The following ARHGAP21 variants were observed in gnomAD, a reference collection of about 807,000 sequenced individuals.
ARHGAP21 encodes the protein rho GTPase-activating protein 21.
In ARHGAP21, 38 loss-of-function variants were observed where a neutral mutation model predicts 164.6. The observed-to-expected ratio is 0.23, with a 90% confidence interval of 0.18 to 0.30. The LOEUF (loss-of-function observed/expected upper bound fraction) is 0.30, where lower values mean the gene tolerates loss of function less well. Among genes scored for constraint, ARHGAP21 ranks in the 10% least tolerant of loss-of-function variants. The pLI is 1.00. For missense variants in ARHGAP21, 1,822 were observed against 2,370.7 expected (o/e 0.77, Z 4.81); for synonymous variants, 766 against 857.9 (o/e 0.89, Z 1.87).
At chr10:24,709,220 A>G (rs1286383783) in intron 2 of ARHGAP21, among the ~76,000 whole-genome samples, 2 of 152,218 alleles carry the variant, frequency 1.3e-5, no homozygotes, top group Non-Finnish European at 2.9e-5. Context: ...AAGAAATAGA[A>G]AACCTGAACA....
intron 4 of ARHGAP21, among the ~76,000 whole-genome samples, chr10:24,664,564 A>AAT (rs1554995010): frequency 4.0e-5 from 6 of 149,106 alleles, no homozygotes; most frequent in Admixed American, 3.3e-4. Flanking sequence ...CAAAAAAAAA[A>AAT]AATAATAATA....
At chr10:24,603,213 G>A (rs946911681) in intron 12 of ARHGAP21, among the ~76,000 whole-genome samples, 6 of 152,114 alleles carry the variant, frequency 3.9e-5, no homozygotes, top group African/African-American at 1.4e-4. Context: ...GCCTGCAGAG[G>A]GGATGGAGAA....
chr10:24,608,341 A>G (rs1214232182), intron 9 of ARHGAP21, among the ~76,000 whole-genome samples: 3 of 152,162 alleles, frequency 2.0e-5, no homozygotes, highest in Non-Finnish European at 2.9e-5. Flanking sequence ...CTAAAACCGT[A>G]TCCCCGCCTC....
intron 2 of ARHGAP21, among the ~76,000 whole-genome samples, chr10:24,687,295 G>A (rs755405965): frequency 7.2e-5 from 11 of 152,174 alleles, no homozygotes; most frequent in Non-Finnish European, 1.5e-4. Flanking sequence ...TTCCTGACAA[G>A]ATGCCCAAGT....
In ARHGAP21 at chr10:24,584,266, T is replaced by C. The variant is rs1259155608; in HGVS notation, c.*146A>G. On this transcript the variant is annotated 3_prime_UTR_variant, in exon 26 of 26. Coordinates refer to ENST00000396432, the MANE Select transcript of ARHGAP21 (RefSeq NM_020824.4). ...TGTTCTTCTGGCTGTAGTAATGCACTGTAAAGCTATTTCACAGTGCAAAAT... is the reference window on the plus strand; with the variant it reads ...TGTTCTTCTGGCTGTAGTAATGCACCGTAAAGCTATTTCACAGTGCAAAAT... The C allele has an allele frequency of 7.6e-6, 6 of 793,948 alleles. No individual in the cohort carries two copies. The highest frequency in any genetic ancestry group is 1.2e-5 in the Non-Finnish European group (6 of 499,982). 49.2% of individuals were successfully genotyped at this position (793,948 alleles called of 1,614,324 possible).
At chr10:24,586,371 T>A (rs1488298754) in intron 25 of ARHGAP21, among the ~76,000 whole-genome samples, 18 of 152,350 alleles carry the variant, frequency 1.2e-4, no homozygotes, top group African/African-American at 4.3e-4. Context: ...GAAAATAGTC[T>A]GTGCTTAGTG....
At chr10:24,713,335 G>A (rs76866939) in intron 2 of ARHGAP21, among the ~76,000 whole-genome samples, 2,672 of 152,272 alleles carry the variant, frequency 0.018, 36 homozygotes, top group Middle Eastern at 0.034. Flanking sequence ...AACATAGTAA[G>A]TAACCAATTC....
intron 3 of ARHGAP21, among the ~76,000 whole-genome samples, chr10:24,668,698 G>T (rs1840420576): frequency 6.6e-6 from 1 of 151,432 alleles, no homozygotes; most frequent in African/African-American, 2.4e-5. Context: ...GCCAACATAA[G>T]ATCAGTTATC....
intron 4 of ARHGAP21, among the ~76,000 whole-genome samples, chr10:24,651,914 A>T (rs903762081): frequency 6.6e-6 from 1 of 152,216 alleles, no homozygotes; most frequent in Non-Finnish European, 1.5e-5. Flanking sequence ...CTAAGAAGAC[A>T]TTCTACCCAA....
At chr10:24,684,972 G>A (rs1447525202) in intron 2 of ARHGAP21, among the ~76,000 whole-genome samples, 3 of 152,094 alleles carry the variant, frequency 2.0e-5, no homozygotes, top group South Asian at 2.1e-4. Flanking sequence ...ACTGATATTC[G>A]GACTGCTATA....
Position 24,583,939 on chromosome 10 carries a change from T to C in ARHGAP21, c.*473A>G, listed in dbSNP as rs1477975798. On this transcript the variant is annotated 3_prime_UTR_variant, in exon 26 of 26. Transcript: ENST00000396432. Reference sequence around the variant, plus strand: ...TGGAATGACTAAAGAATGGAAGTTCTGTATCCACCTGTGTTAAAACTGGTA... The same window carrying C: ...TGGAATGACTAAAGAATGGAAGTTCCGTATCCACCTGTGTTAAAACTGGTA... 1 of 152,678 alleles carries C rather than the reference T, an allele frequency of 6.5e-6. No individual in the cohort carries two copies. Among genetic ancestry groups the C allele is most frequent in the East Asian group, 1.9e-4 (1 of 5,206 alleles). The allele number at this position is 152,678 out of a possible 1,614,324, so 9.5% of individuals were successfully genotyped here.
chr10:24,590,355 T>C (rs1564955690), intron 24 of ARHGAP21: 1 of 1,535,372 alleles, frequency 6.5e-7, no homozygotes, highest in Non-Finnish European at 8.7e-7. Flanking sequence ...ATCGGGGATT[T>C]CTGCAGACAA....
chr10:24,665,747 G>A (rs1337320780), intron 4 of ARHGAP21, among the ~76,000 whole-genome samples: 2 of 152,174 alleles, frequency 1.3e-5, no homozygotes, highest in East Asian at 3.9e-4. Context: ...TGCAAATGTG[G>A]TATTCTTGCT....
At chr10:24,671,619 C>T (rs1181095180) in intron 2 of ARHGAP21, among the ~76,000 whole-genome samples, 1 of 152,088 alleles carries the variant, frequency 6.6e-6, no homozygotes, top group Non-Finnish European at 1.5e-5. Flanking sequence ...GATACAGGTC[C>T]AACAATTCTC....
chr10:24,677,592 G>C (rs548125623), intron 2 of ARHGAP21, among the ~76,000 whole-genome samples: 67 of 152,274 alleles, frequency 4.4e-4, no homozygotes, highest in Middle Eastern at 6.8e-3. Context: ...GGATTTAGCG[G>C]AGCATAACAT....
chr10:24,633,277 T>G (rs1836018333), intron 6 of ARHGAP21, 125 bp downstream of exon 6: 1 of 676,808 alleles, frequency 1.5e-6, no homozygotes, highest in Non-Finnish European at 2.4e-6. Flanking sequence ...GCATTATATC[T>G]AAGGGAAAGT....
intron 2 of ARHGAP21, among the ~76,000 whole-genome samples, chr10:24,700,721 T>C (rs1172523429): frequency 6.6e-6 from 1 of 152,250 alleles, no homozygotes; most frequent in Non-Finnish European, 1.5e-5. Flanking sequence ...GCATTTGTCC[T>C]AATTTTTAAA....
intron 9 of ARHGAP21, among the ~76,000 whole-genome samples, chr10:24,614,341 T>C (rs766942788): frequency 6.6e-5 from 10 of 152,248 alleles, no homozygotes; most frequent in Admixed American, 4.6e-4. Context: ...GGTGGAATTA[T>C]CTATTTAATT....
chr10:24,604,137 G>A (rs1190895205), intron 12 of ARHGAP21, among the ~76,000 whole-genome samples, 175 bp downstream of exon 12: 1 of 152,100 alleles, frequency 6.6e-6, no homozygotes, highest in Non-Finnish European at 1.5e-5. Context: ...TGGGCAGTTA[G>A]GACTGCTGGG....
Sources: allele counts gnomAD v4.1 joint callset (sites outside exome capture counted in the v4.1 genomes callset), GRCh38; gene constraint gnomAD v4.1.1; transcripts MANE v1.5; gene names NCBI Gene and HGNC (gene_info 2026-07-23, HGNC 2026-07-21).